RPAIN: variants seen among roughly 807,000 people sequenced by gnomAD.
RPAIN encodes the protein RPA interacting protein.
Under a neutral mutation model 30.5 loss-of-function variants are expected in RPAIN, and 29 were observed. The ratio of observed to expected loss-of-function variants is 0.95; its 90% CI spans 0.71 to 1.30. The LOEUF (loss-of-function observed/expected upper bound fraction) is 1.30, where lower values mean the gene tolerates loss of function less well. Ranked by LOEUF, RPAIN falls within the 50% of genes most tolerant of loss-of-function variation. RPAIN has a pLI of 0.00. For synonymous variants in RPAIN, 101 were observed against 93.5 expected (o/e 1.08, Z -0.46); for missense variants, 247 against 264.7 (o/e 0.93, Z 0.46).
chr17:5,426,639 A>ATTT (rs35657465), intron 5 of RPAIN: 106 of 149,030 alleles, frequency 7.1e-4, no homozygotes, highest in South Asian at 1.7e-3. Context: ...AGCTTCAGTA[A>ATTT]TTTTTTTTTT....
chr17:5,428,130 C>G lies in RPAIN; in HGVS notation c.549C>G (p.His183Gln). ...GTTTAGAGGGTAGTATAAATGAGCACAGTGCACATTGTCCCCACACACCTG... is the reference window on the plus strand; with the variant it reads ...GTTTAGAGGGTAGTATAAATGAGCAGAGTGCACATTGTCCCCACACACCTG... Reference protein sequence around the residue: ...RACLEGSINEHSAHCPHTPEF... With the variant: ...RACLEGSINEQSAHCPHTPEF... The change falls in exon 6 of 7, where the codon CAC becomes CAG. Residue 183 changes from histidine to glutamine, a missense_variant. His to Gln is a conservative substitution (Grantham distance 24). Coordinates refer to ENST00000381209, the MANE Select transcript of RPAIN (RefSeq NM_001033002.4). The G allele has an allele frequency of 6.2e-7, 1 of 1,614,034 alleles. No individual in the cohort carries two copies. Among genetic ancestry groups the G allele is most frequent in the Non-Finnish European group, 8.5e-7 (1 of 1,179,938 alleles).
chr17:5,424,764 G>C (rs1915218426), intron 3 of RPAIN, among the ~76,000 whole-genome samples: 1 of 152,178 alleles, frequency 6.6e-6, no homozygotes, highest in Non-Finnish European at 1.5e-5. Flanking sequence ...TAAGTGCCAT[G>C]CAAGTGTTAG....
intron 6 of RPAIN, chr17:5,429,567 G>GCTGA: frequency 1.0e-6 from 1 of 985,422 alleles, no homozygotes; most frequent in Non-Finnish European, 1.2e-6. Context: ...TCCAGGCTCA[G>GCTGA]GCCTTGGTGG....
At position 5,428,091 on chromosome 17, in the gene RPAIN, G is replaced by C. The variant is rs1915572788; in HGVS notation, c.510G>C (p.Gln170His). The C allele has an allele frequency of 2.5e-6, 4 of 1,614,074 alleles. No individual in the cohort carries two copies. Among genetic ancestry groups the C allele is most frequent in the Non-Finnish European group, 3.4e-6 (4 of 1,180,054 alleles). ...TGTAGTCTTCTGAGTTGACAGAGCA[G>C]AAGCTTCGTGCCTGTTTAGAGGGTA... ...IPSHSSELTEQKLRACLEGSI... is the reference protein window; with the variant it reads ...IPSHSSELTEHKLRACLEGSI... Residue 170 changes from glutamine to histidine, a missense_variant, in exon 6 of 7, where the codon CAG (glutamine) becomes CAC (histidine). Transcript: ENST00000381209.
At chr17:5,422,419 C>T (rs983025691) in intron 2 of RPAIN, among the ~76,000 whole-genome samples, 1 of 152,168 alleles carries the variant, frequency 6.6e-6, no homozygotes, top group African/African-American at 2.4e-5. Flanking sequence ...CACAGTAACC[C>T]TCTTAGATAG....
chr17:5,431,484 TAAA>T (rs761313492), intron 6 of RPAIN: 114 of 369,036 alleles, frequency 3.1e-4, no homozygotes, highest in East Asian at 1.6e-3. Context: ...GATTGTGCCT[TAAA>T]AAAAAAAAAA....
chr17:5,432,408 A>G (rs1298493871), intron 6 of RPAIN, 134 bp from the exon 7 acceptor site: 8 of 794,146 alleles, frequency 1.0e-5, no homozygotes, highest in South Asian at 1.6e-5. Context: ...GACAAACTAC[A>G]CTACTGAACT....
chr17:5,428,457 C>T (rs925845399), intron 6 of RPAIN: 7 of 1,433,390 alleles, frequency 4.9e-6, no homozygotes, highest in Admixed American at 2.8e-5. Flanking sequence ...CGCCTGGCTC[C>T]ACACCTGCTC....
chr17:5,426,116 G>A (rs138420818), intron 4 of RPAIN, 34 bp downstream of exon 4: 40 of 1,575,536 alleles, frequency 2.5e-5, no homozygotes, highest in Non-Finnish European at 3.2e-5. Context: ...AGCATTATTC[G>A]TTCCCATTCC....
Position 5,420,201 on chromosome 17 carries a change from CGAA to C in RPAIN, c.-7_-5del. The C allele has an allele frequency of 6.2e-7, 1 of 1,613,356 alleles. No homozygotes were observed. Among genetic ancestry groups the C allele is most frequent in the Non-Finnish European group, 8.5e-7 (1 of 1,179,752 alleles). ...ACGGGTCTTGTGGCTTTGTCTCCCGCGAAGAGGAGATGGCGGAGTCGTTGAGGT... is the reference window on the plus strand; with the variant it reads ...ACGGGTCTTGTGGCTTTGTCTCCCGCGAGGAGATGGCGGAGTCGTTGAGGT... On this transcript the variant is annotated 5_prime_UTR_variant, in exon 1 of 7. Transcript: ENST00000381209.
rs549367206 is a variant in RPAIN, at chr17:5,421,585, A to G, written c.252+119A>G. On this transcript the variant is annotated intron_variant, in intron 2 of 6. Coordinates refer to ENST00000381209, the MANE Select transcript of RPAIN (RefSeq NM_001033002.4). ...CACCATTCCCCTAACCCCATTTAGAATTCAACAGCCTTTAACCCAGGCTTT... is the reference window on the plus strand; with the variant it reads ...CACCATTCCCCTAACCCCATTTAGAGTTCAACAGCCTTTAACCCAGGCTTT... 9.3e-5 allele frequency: 78 copies of G among 839,786 alleles called. 1 individual carries two copies. The South Asian group carries it at 1.5e-3, about 17-fold the overall frequency. The allele number at this position is 839,786 out of a possible 1,614,324, so 52.0% of individuals were successfully genotyped here.
At chr17:5,431,333 A>G (rs1253369717) in intron 6 of RPAIN, 1 of 394,766 alleles carries the variant, frequency 2.5e-6, no homozygotes, top group Non-Finnish European at 4.9e-6. Context: ...CTAAAAATAC[A>G]GAAATTAGCT....
chr17:5,426,638 A>ATT, intron 5 of RPAIN: 1 of 182,328 alleles, frequency 5.5e-6, no homozygotes, highest in Non-Finnish European at 1.1e-5. Flanking sequence ...AAGCTTCAGT[A>ATT]ATTTTTTTTT....
rs1014675516 is a variant in RPAIN, at chr17:5,428,922, A to C, written c.630+711A>C. On this transcript the variant is annotated intron_variant, in intron 6 of 6. Coordinates refer to ENST00000381209, the MANE Select transcript of RPAIN (RefSeq NM_001033002.4). ...AGCCATGGCTTTCTACTGGGAATTT[A>C]GAATTCCTTCATGGCCCTGTCATTC... 3 of 978,744 alleles carry C rather than the reference A, an allele frequency of 3.1e-6. No individual in the cohort carries two copies. The African/African-American group carries it at 5.3e-5, about 17-fold the overall frequency. 60.6% of individuals were successfully genotyped at this position (978,744 alleles called of 1,614,324 possible). A position where few individuals can be genotyped will look rare whatever the true frequency, so the allele number is the denominator to read the frequency against.
At chr17:5,430,256 G>T (rs1201952675) in intron 6 of RPAIN, 1 of 152,154 alleles carries the variant, frequency 6.6e-6, no homozygotes, top group African/African-American at 2.4e-5. Flanking sequence ...TCTGAGGTCA[G>T]GAGTTCAAGA....
At chr17:5,431,206 G>A in intron 6 of RPAIN, 1 of 335,528 alleles carries the variant, frequency 3.0e-6, no homozygotes, top group East Asian at 9.1e-5. Context: ...GAGAAACACA[G>A]CCAGGCACTG....
intron 5 of RPAIN, chr17:5,427,107 C>G (rs1022257544): frequency 9.9e-5 from 15 of 152,104 alleles, no homozygotes; most frequent in African/African-American, 3.1e-4. Context: ...GAGTGGGGCC[C>G]TGCTGATTGG....
At chr17:5,430,603 C>T (rs897443281) in intron 6 of RPAIN, 7 of 152,424 alleles carry the variant, frequency 4.6e-5, no homozygotes, top group East Asian at 1.9e-4. Flanking sequence ...GGGCTTTCAC[C>T]GTACCTCATG....
chr17:5,429,359 ACTGGAGTATATACAAAGAGCAT>A, intron 6 of RPAIN: 1 of 985,486 alleles, frequency 1.0e-6, no homozygotes, highest in Non-Finnish European at 1.2e-6. Flanking sequence ...GAAGCAGGAA[ACTGGAGTATATACAAAGAGCAT>A]CTTGTTCTAC....
Sources: allele counts gnomAD v4.1 joint callset (sites outside exome capture counted in the v4.1 genomes callset), GRCh38; gene constraint gnomAD v4.1.1; transcripts MANE v1.5; gene names NCBI Gene and HGNC (gene_info 2026-07-23, HGNC 2026-07-21).